The following AFDN variants were observed in gnomAD, a reference collection of about 807,000 sequenced individuals.
AFDN encodes the protein afadin, adherens junction formation factor.
A neutral mutation model predicts 216.6 loss-of-function variants in AFDN; 68 were observed. The ratio of observed to expected loss-of-function variants is 0.31; its 90% CI spans 0.26 to 0.38. AFDN has a LOEUF of 0.38. AFDN is among the 10% of genes least tolerant of loss of function. The pLI is 1.00. For missense variants in AFDN, 2,136 were observed against 2,342.0 expected (o/e 0.91, Z 1.82); for synonymous variants, 868 against 853.7 (o/e 1.02, Z -0.29).
chr6:167,943,902 GT>G (rs779127776), intron 25 of AFDN, 38 bp from the exon 26 acceptor site: 1 of 1,556,194 alleles, frequency 6.4e-7, no homozygotes, highest in African/African-American at 1.4e-5. Context: ...CAGGCACTGC[GT>G]TTTAGTCTTT....
chr6:167,911,926 A>G (rs1790456665), intron 15 of AFDN: 1 of 181,572 alleles, frequency 5.5e-6, no homozygotes, highest in Non-Finnish European at 1.2e-5. Context: ...CCCCTCAAGT[A>G]GTTCCTGGGG....
rs1179604143 is a variant in AFDN at position 167,889,354 on chromosome 6, C to T, written c.1009+28C>T. 4 of 1,454,590 alleles carry T rather than the reference C, an allele frequency of 2.7e-6. No homozygotes were observed. The Admixed American group carries it at 5.0e-5, about 18-fold the overall frequency. 90.1% of individuals were successfully genotyped at this position (1,454,590 alleles called of 1,614,324 possible). On this transcript the variant is annotated intron_variant, in intron 7 of 33. Coordinates refer to ENST00000683244, the MANE Select transcript of AFDN (RefSeq NM_001386888.1). ...AGTAACCTTATTAAAGGATTACTTA[C>T]ACCAGATTCCTATGTGATATACCAG...
chr6:167,874,218 C>A (rs973568269), intron 4 of AFDN, among the ~76,000 whole-genome samples: 3 of 152,092 alleles, frequency 2.0e-5, no homozygotes, highest in African/African-American at 7.2e-5. Flanking sequence ...GACTACATAG[C>A]GAGACCCTGT....
intron 7 of AFDN, among the ~76,000 whole-genome samples, chr6:167,890,362 G>A (rs1583296166): frequency 6.6e-6 from 1 of 152,210 alleles, no homozygotes; most frequent in Non-Finnish European, 1.5e-5. Flanking sequence ...TATTTTGTTA[G>A]TAATAGAATT....
intron 23 of AFDN, 110 bp downstream of exon 23, chr6:167,925,201 C>T (rs1792355807): frequency 2.7e-6 from 2 of 732,140 alleles, no homozygotes; most frequent in Non-Finnish European, 2.4e-6. Context: ...TATAACGTGC[C>T]TGTTCAGTTC....
At chr6:167,898,948 A>G (rs1480529722) in intron 11 of AFDN, among the ~76,000 whole-genome samples, 3 of 152,154 alleles carry the variant, frequency 2.0e-5, no homozygotes, top group Non-Finnish European at 4.4e-5. Context: ...CTTAATGACT[A>G]TCTAGTAAAA....
At chr6:167,862,916 C>T (rs1165477311) in intron 1 of AFDN, among the ~76,000 whole-genome samples, 2 of 152,166 alleles carry the variant, frequency 1.3e-5, no homozygotes, top group Non-Finnish European at 2.9e-5. Flanking sequence ...AGTGTTGTTT[C>T]TGAACATACA....
chr6:167,950,526 C>T (rs773199503), intron 29 of AFDN, among the ~76,000 whole-genome samples: 1 of 152,100 alleles, frequency 6.6e-6, no homozygotes, highest in South Asian at 2.1e-4. Flanking sequence ...TTGGAGCGGA[C>T]GTATCGCAGA....
chr6:167,843,115 CTT>C (rs751448522), intron 1 of AFDN, among the ~76,000 whole-genome samples: 1 of 152,146 alleles, frequency 6.6e-6, no homozygotes, highest in Non-Finnish European at 1.5e-5. Flanking sequence ...TGGGATTTGA[CTT>C]ATTGCTCCAG....
intron 1 of AFDN, among the ~76,000 whole-genome samples, chr6:167,863,206 G>T (rs1184594126): frequency 6.6e-6 from 1 of 152,172 alleles, no homozygotes; most frequent in African/African-American, 2.4e-5. Flanking sequence ...CAGATTCTCA[G>T]ATCAGACATG....
chr6:167,962,485 G>C lies in AFDN; in HGVS notation c.4886G>C (p.Arg1629Pro). Residue 1629 changes from arginine to proline, a missense_variant, in exon 31 of 34, where the codon CGG becomes CCG. By Grantham distance (103) the Arg-to-Pro change is moderately radical. Coordinates refer to ENST00000683244, the MANE Select transcript of AFDN (RefSeq NM_001386888.1). The surrounding 1 kb of genome is among the most constrained non-coding windows in gnomAD (Gnocchi z 5.2). ...CAGCAGTTAGAAGAGATGCGCAAGC[G>C]GGAAGCGGAAGACCGAGCGAGGCAA... is the stretch of plus-strand genomic sequence containing the variant. ...RQQQLEEMRK[R>P]EAEDRARQEE... 2 of 1,613,676 alleles carry C rather than the reference G, an allele frequency of 1.2e-6. No individual in the cohort carries two copies. The highest frequency in any genetic ancestry group is 2.2e-5 in the East Asian group (1 of 44,880).
intron 8 of AFDN, among the ~76,000 whole-genome samples, chr6:167,893,263 T>C (rs927760584): frequency 6.6e-6 from 1 of 152,238 alleles, no homozygotes; most frequent in Non-Finnish European, 1.5e-5. Flanking sequence ...TTCATTATTA[T>C]GCATTGCTCA....
At chr6:167,958,021 A>G (rs1796694089) in intron 30 of AFDN, among the ~76,000 whole-genome samples, 1 of 152,218 alleles carries the variant, frequency 6.6e-6, no homozygotes, top group South Asian at 2.1e-4. Flanking sequence ...CATGTTGAAC[A>G]TTCCTAATCT....
chr6:167,864,415 T>G (rs760784597), intron 1 of AFDN, 136 bp from the exon 2 acceptor site: 9 of 863,270 alleles, frequency 1.0e-5, no homozygotes, highest in Non-Finnish European at 1.8e-5. Context: ...AAAACCCATC[T>G]CTCTACATTA....
At chr6:167,840,062 A>G (rs1243757847) in intron 1 of AFDN, among the ~76,000 whole-genome samples, 1 of 152,170 alleles carries the variant, frequency 6.6e-6, no homozygotes, top group Admixed American at 6.5e-5. Flanking sequence ...GAGTGTGTTC[A>G]GGGCTGTGAA....
chr6:167,914,584 C>A, intron 17 of AFDN, 60 bp from the exon 18 acceptor site: 1 of 1,245,216 alleles, frequency 8.0e-7, no homozygotes, highest in Non-Finnish European at 1.2e-6. Context: ...CATGTGATAA[C>A]ATGTCTGACA....
chr6:167,948,499 C>G, intron 29 of AFDN, 21 bp downstream of exon 29: 1 of 1,606,652 alleles, frequency 6.2e-7, no homozygotes, highest in Non-Finnish European at 8.5e-7. Flanking sequence ...AAAGATTCCA[C>G]ACACTTTTCT....
chr6:167,969,978 T>A lies in AFDN; in HGVS notation c.*43T>A. 6.5e-7 allele frequency: 1 copy of A among 1,547,060 alleles called. No homozygotes were observed. The highest frequency in any genetic ancestry group is 1.4e-5 in the African/African-American group (1 of 71,512). On this transcript the variant is annotated 3_prime_UTR_variant, in exon 34 of 34. Coordinates refer to ENST00000683244, the MANE Select transcript of AFDN (RefSeq NM_001386888.1). ...ACTTTGTATTTACCCCAAAATCTTT[T>A]CAGTTGTGGGTTTGTAGGTGCGAGT... is the stretch of plus-strand genomic sequence containing the variant.
intron 30 of AFDN, among the ~76,000 whole-genome samples, chr6:167,953,822 C>T (rs993505815): frequency 6.6e-6 from 1 of 152,134 alleles, no homozygotes; most frequent in African/African-American, 2.4e-5. Flanking sequence ...ATCCTAAGGA[C>T]GTTCATGGCC....
Sources: gnomAD v4.1 joint callset for allele counts (sites outside exome capture counted in the v4.1 genomes callset) on GRCh38, gnomAD v4.1.1 for gene constraint, Gnocchi (gnomAD v3.1) non-coding constraint, MANE v1.5 for transcripts, NCBI Gene and HGNC (gene_info 2026-07-23, HGNC 2026-07-21) for gene names.